NRG1: variants seen among roughly 807,000 people sequenced by gnomAD.
The protein encoded by NRG1 is pro-neuregulin-1, membrane-bound isoform.
In NRG1, 18 loss-of-function variants were observed where a neutral mutation model predicts 63.8. The ratio of observed to expected loss-of-function variants is 0.28; its 90% CI spans 0.19 to 0.42. The LOEUF is 0.42. NRG1 is among the 10% of genes least tolerant of loss of function. The probability of loss-of-function intolerance (pLI) is 1.00; values close to 1 mark genes in which losing one functional copy is unlikely to be tolerated. For synonymous variants in NRG1, 302 were observed against 301.3 expected (o/e 1.00, Z -0.02); for missense variants, 762 against 814.7 (o/e 0.94, Z 0.79).
rs745967044 is a variant in NRG1, at chr8:31,640,741, G to A, written c.37+1310G>A. The stretch of plus-strand genomic sequence containing the variant: ...GTGCAAGCGGTGCGGTAAGTTCCTC[G>A]CCCTTGGGGGCGCGAACCCGCGGCG... On this transcript the variant is annotated intron_variant, in intron 1 of 10. Transcript: ENST00000519301. This position sits in a 1 kb window ranked among gnomAD's most constrained non-coding sequence, Gnocchi z 6.3. 4.0e-6 allele frequency: 6 copies of A among 1,517,580 alleles called. No homozygotes were observed. The highest frequency in any genetic ancestry group is 5.3e-6 in the Non-Finnish European group (6 of 1,131,556). The allele number at this position is 1,517,580 out of a possible 1,614,324, so 94.0% of individuals were successfully genotyped here.
At chr8:31,930,984 T>C (rs1834811738) in intron 1 of NRG1, among the ~76,000 whole-genome samples, 1 of 152,236 alleles carries the variant, frequency 6.6e-6, no homozygotes, top group African/African-American at 2.4e-5. Flanking sequence ...TCAGGATTTG[T>C]ATCATTTCTC....
chr8:31,814,398 T>G (rs1214642772), intron 1 of NRG1, among the ~76,000 whole-genome samples: 1 of 152,202 alleles, frequency 6.6e-6, no homozygotes, highest in Non-Finnish European at 1.5e-5. Context: ...GTTACGCAAC[T>G]GTGAAATTGT....
chr8:32,188,448 C>G (rs964568661), intron 1 of NRG1, among the ~76,000 whole-genome samples: 10 of 152,294 alleles, frequency 6.6e-5, no homozygotes, highest in Middle Eastern at 3.4e-3. Flanking sequence ...CCAAAGATGT[C>G]CATGGCCTAA....
chr8:31,979,693 A>G (rs1026810851), intron 1 of NRG1, among the ~76,000 whole-genome samples: 4 of 152,080 alleles, frequency 2.6e-5, no homozygotes, highest in African/African-American at 7.2e-5. Context: ...GAGGACAAAT[A>G]TTGCCTCATA....
intron 1 of NRG1, among the ~76,000 whole-genome samples, chr8:31,813,907 G>A (rs1288865827): frequency 1.3e-5 from 2 of 152,096 alleles, no homozygotes; most frequent in African/African-American, 4.8e-5. Flanking sequence ...TCATGATTAT[G>A]CCTCATCATT....
At chr8:32,245,910 C>T (rs1349561515) in intron 1 of NRG1, among the ~76,000 whole-genome samples, 1 of 152,086 alleles carries the variant, frequency 6.6e-6, no homozygotes, top group Non-Finnish European at 1.5e-5. Context: ...TTTTAGAGGT[C>T]CCAAAAATAT....
chr8:32,654,186 A>G (rs1855770769), intron 5 of NRG1, among the ~76,000 whole-genome samples: 1 of 152,192 alleles, frequency 6.6e-6, no homozygotes, highest in Non-Finnish European at 1.5e-5. Flanking sequence ...CCTTTGCTAC[A>G]CTTGCTTTTC....
intron 1 of NRG1, among the ~76,000 whole-genome samples, chr8:32,466,371 CAA>C (rs35722571): frequency 2.5e-4 from 31 of 124,972 alleles, no homozygotes; most frequent in Non-Finnish European, 2.2e-4. Context: ...ACCTTGACAT[CAA>C]AAAAAAAAAA....
intron 7 of NRG1, among the ~76,000 whole-genome samples, chr8:32,743,621 T>G (rs956580978): frequency 2.3e-5 from 3 of 132,372 alleles, no homozygotes; most frequent in African/African-American, 8.5e-5. Context: ...AAGGCAAAAC[T>G]GGGAAGTTTG....
chr8:31,876,377 G>GA (rs1829924633), intron 1 of NRG1, among the ~76,000 whole-genome samples: 1 of 152,106 alleles, frequency 6.6e-6, no homozygotes, highest in Non-Finnish European at 1.5e-5. Context: ...TTTGAGGTTG[G>GA]AAAATCCTTC....
At chr8:32,528,295 A>G (rs1831088559) in intron 1 of NRG1, among the ~76,000 whole-genome samples, 1 of 152,176 alleles carries the variant, frequency 6.6e-6, no homozygotes, top group South Asian at 2.1e-4. Flanking sequence ...AATCAAGGTG[A>G]TGCTTTATTG....
At chr8:32,296,074 T>C (rs1175098169) in intron 1 of NRG1, among the ~76,000 whole-genome samples, 1 of 152,106 alleles carries the variant, frequency 6.6e-6, no homozygotes, top group Non-Finnish European at 1.5e-5. Context: ...TGGCAAGATA[T>C]CTAAATAAGA....
intron 1 of NRG1, chr8:32,441,155 A>C (rs1433844311): frequency 2.0e-5 from 3 of 152,148 alleles, no homozygotes; most frequent in African/African-American, 4.8e-5. Context: ...TCATGCTCAG[A>C]GATTAAGAGA....
At chr8:32,157,085 TG>T (rs1473489955) in intron 1 of NRG1, among the ~76,000 whole-genome samples, 16 of 150,352 alleles carry the variant, frequency 1.1e-4, no homozygotes, top group African/African-American at 4.0e-4. Flanking sequence ...TGTGTGTGTG[TG>T]TGTGTAAGGA....
intron 1 of NRG1, among the ~76,000 whole-genome samples, chr8:32,334,097 G>A (rs943258507): frequency 6.6e-6 from 1 of 152,138 alleles, no homozygotes; most frequent in South Asian, 2.1e-4. Context: ...TACATGACAG[G>A]TACTTACATC....
chr8:32,259,988 T>A (rs1850184633), intron 1 of NRG1, among the ~76,000 whole-genome samples: 1 of 152,304 alleles, frequency 6.6e-6, no homozygotes, highest in Admixed American at 6.5e-5. Flanking sequence ...AACTTGGTAA[T>A]TAAATTGTTC....
intron 1 of NRG1, among the ~76,000 whole-genome samples, chr8:32,161,336 A>G (rs1324949408): frequency 1.3e-5 from 2 of 152,230 alleles, no homozygotes; most frequent in South Asian, 2.1e-4. Context: ...AATTAAGGAA[A>G]GAGAAAGAGC....
chr8:32,466,577 A>G (rs890185370), intron 1 of NRG1, among the ~76,000 whole-genome samples: 3 of 152,164 alleles, frequency 2.0e-5, no homozygotes, highest in Non-Finnish European at 4.4e-5. Context: ...CAAACTTTAC[A>G]CTGGTGTAAT....
chr8:31,729,311 C>T (rs1055279680), intron 1 of NRG1, among the ~76,000 whole-genome samples: 14 of 151,756 alleles, frequency 9.2e-5, no homozygotes, highest in Non-Finnish European at 1.9e-4. Context: ...CTGCTTTCTA[C>T]CTTGGCAAGT....
Sources: gnomAD v4.1 joint callset for allele counts (sites outside exome capture counted in the v4.1 genomes callset) on GRCh38, gnomAD v4.1.1 for gene constraint, Gnocchi (gnomAD v3.1) non-coding constraint, MANE v1.5 for transcripts, NCBI Gene and HGNC (gene_info 2026-07-23, HGNC 2026-07-21) for gene names.